MPHOSPH9: variants seen among roughly 807,000 people sequenced by gnomAD.
MPHOSPH9 encodes M-phase phosphoprotein 9.
A neutral mutation model predicts 145.5 loss-of-function variants in MPHOSPH9; 88 were observed. That is an observed-to-expected ratio of 0.60 (90% CI 0.51 to 0.72). The LOEUF is 0.72. MPHOSPH9 is among the 30% of genes least tolerant of loss of function. The pLI is 0.00. For missense variants in MPHOSPH9, 1,238 were observed against 1,386.6 expected (o/e 0.89, Z 1.70); for synonymous variants, 435 against 486.2 (o/e 0.89, Z 1.39).
chr12:123,191,862 T>C (rs1239726510), intron 13 of MPHOSPH9, among the ~76,000 whole-genome samples: 4 of 152,012 alleles, frequency 2.6e-5, no homozygotes, highest in African/African-American at 9.7e-5. Context: ...ATCCACTGAG[T>C]AAAATAAGAA....
At position 123,230,253 on chromosome 12, in the gene MPHOSPH9, AT is replaced by A; in HGVS notation, c.104+7del. On this transcript the variant is annotated splice_region_variant and intron_variant, in intron 2 of 23. Coordinates refer to ENST00000606320, the MANE Select transcript of MPHOSPH9 (RefSeq NM_022782.4). Reference sequence around the variant, plus strand: ...ATTTGGTACATTTTTTTTAAATCCCATTCTTACCTATCAGTATTTAAGTTCA... The same window carrying A: ...ATTTGGTACATTTTTTTTAAATCCCATCTTACCTATCAGTATTTAAGTTCA... 1 of 1,422,042 alleles carries A rather than the reference AT, an allele frequency of 7.0e-7. No individual in the cohort carries two copies. Among genetic ancestry groups the A allele is most frequent in the Non-Finnish European group, 9.5e-7 (1 of 1,050,530 alleles). The allele number at this position is 1,422,042 out of a possible 1,614,324, so 88.1% of individuals were successfully genotyped here.
At chr12:123,185,129 A>G (rs2045384500) in intron 13 of MPHOSPH9, among the ~76,000 whole-genome samples, 2 of 152,096 alleles carry the variant, frequency 1.3e-5, no homozygotes, top group Non-Finnish European at 2.9e-5. Flanking sequence ...GTGAGCCTGC[A>G]AAAGAACCAA....
chr12:123,176,841 T>A, intron 15 of MPHOSPH9, 52 bp from the exon 16 acceptor site: 1 of 1,372,562 alleles, frequency 7.3e-7, no homozygotes, highest in Non-Finnish European at 1.0e-6. Context: ...AAATGTAAAA[T>A]ATAGCTCAAC....
In MPHOSPH9 at chr12:123,228,684, CA is replaced by C. The variant is rs905738597; in HGVS notation, c.105-1069del. 2.9e-4 allele frequency among the ~76,000 whole-genome samples: 42 copies of C among 142,516 alleles called. 1 individual carries two copies. Among genetic ancestry groups the C allele is most frequent in the African/African-American group, 8.8e-4 (34 of 38,762 alleles). The allele number at this position is 142,516 out of a possible 152,430, so 93.5% of individuals were successfully genotyped here. On this transcript the variant is annotated intron_variant, in intron 2 of 23. Transcript: ENST00000606320. ...GCCTAGTGACAGAGCAAGACTCCGT[CA>C]AAAAAAAAAATTCAAAGGAAAGAAT... is the stretch of plus-strand genomic sequence containing the variant.
At chr12:123,238,788 T>C (rs1016883377) in intron 1 of MPHOSPH9, among the ~76,000 whole-genome samples, 2 of 152,130 alleles carry the variant, frequency 1.3e-5, no homozygotes, top group East Asian at 3.8e-4. Flanking sequence ...GAAATCTTCA[T>C]TCCTAACCAT....
chr12:123,212,324 A>G (rs1451591963), intron 7 of MPHOSPH9, among the ~76,000 whole-genome samples: 1 of 152,136 alleles, frequency 6.6e-6, no homozygotes, highest in African/African-American at 2.4e-5. Flanking sequence ...AAGTATGGAA[A>G]ACAGCCAATG....
intron 18 of MPHOSPH9, among the ~76,000 whole-genome samples, chr12:123,164,432 G>A (rs139555627): frequency 6.6e-6 from 1 of 152,298 alleles, no homozygotes; most frequent in East Asian, 1.9e-4. Context: ...CTTGGGAGAT[G>A]TAACCGCAAA....
chr12:123,210,480 G>A (rs757748888), intron 7 of MPHOSPH9, among the ~76,000 whole-genome samples: 13 of 151,942 alleles, frequency 8.6e-5, no homozygotes, highest in Non-Finnish European at 1.5e-4. Context: ...ATTACCTAAC[G>A]TCAGGAGTTT....
chr12:123,202,649 A>G lies in MPHOSPH9; in HGVS notation c.1756T>C (p.Leu586=). 6.2e-7 allele frequency: 1 copy of G among 1,614,084 alleles called. No homozygotes were observed. The highest frequency in any genetic ancestry group is 8.5e-7 in the Non-Finnish European group (1 of 1,179,954). Residue 586 remains leucine (L), a synonymous_variant, in exon 10 of 24, where the codon TTG becomes CTG. Transcript: ENST00000606320. ...SVPECISLTS[L]EDPVILSKIR... ...TTAGACAATATCACAGGATCTTCCAAGGAAGTCAATGAAATGCATTCTGGG... is the reference window on the plus strand; with the variant it reads ...TTAGACAATATCACAGGATCTTCCAGGGAAGTCAATGAAATGCATTCTGGG...
upstream of MPHOSPH9, among the ~76,000 whole-genome samples, chr12:123,235,629 C>T (rs1335375570): frequency 1.3e-5 from 2 of 151,478 alleles, no homozygotes; most frequent in Non-Finnish European, 2.9e-5. Flanking sequence ...GCCTCGGCCT[C>T]CCACGGTGCT....
At chr12:123,161,766 C>A (rs1239937947) in intron 21 of MPHOSPH9, among the ~76,000 whole-genome samples, 1 of 151,272 alleles carries the variant, frequency 6.6e-6, no homozygotes, top group Non-Finnish European at 1.5e-5. Flanking sequence ...CAAGTGATTT[C>A]ACATACATTG....
intron 8 of MPHOSPH9, among the ~76,000 whole-genome samples, chr12:123,207,278 C>T (rs2046476765): frequency 6.6e-6 from 1 of 151,722 alleles, no homozygotes; most frequent in Non-Finnish European, 1.5e-5. Flanking sequence ...TACTGATGTT[C>T]AAGATCAGAT....
chr12:123,162,996 C>G lies in MPHOSPH9; in HGVS notation c.3029+18G>C, dbSNP rs774836810. 2 of 1,530,248 alleles carry G rather than the reference C, an allele frequency of 1.3e-6. No individual in the cohort carries two copies. The highest frequency in any genetic ancestry group is 2.9e-5 in the African/African-American group (2 of 69,840). The allele number at this position is 1,530,248 out of a possible 1,614,324, so 94.8% of individuals were successfully genotyped here. ...CACTAATATAGTAAACTTTATTCTA[C>G]AATTTTAGAGAACTTACCGAATTGG... On this transcript the variant is annotated intron_variant, in intron 20 of 23. Transcript: ENST00000606320.
At chr12:123,224,684 G>A (rs942519168) in intron 3 of MPHOSPH9, among the ~76,000 whole-genome samples, 4 of 152,160 alleles carry the variant, frequency 2.6e-5, no homozygotes, top group African/African-American at 7.2e-5. Context: ...CCAGGCATGC[G>A]GATCATAGGG....
chr12:123,204,788 T>C (rs2046358342), intron 8 of MPHOSPH9, among the ~76,000 whole-genome samples: 1 of 152,088 alleles, frequency 6.6e-6, no homozygotes, highest in South Asian at 2.1e-4. Context: ...AGTGGGACGA[T>C]CACTTGAACC....
Position 123,230,171 on chromosome 12 carries a change from A to G in MPHOSPH9, c.104+90T>C. On this transcript the variant is annotated intron_variant, in intron 2 of 23. Coordinates refer to ENST00000606320, the MANE Select transcript of MPHOSPH9 (RefSeq NM_022782.4). Reference sequence around the variant, plus strand: ...TTAAAAAATAATAATAATTCAAATCAGTAACTATGACACTATTTGGATAAG... The same window carrying G: ...TTAAAAAATAATAATAATTCAAATCGGTAACTATGACACTATTTGGATAAG... The G allele has an allele frequency of 2.3e-5, 16 of 708,356 alleles. No homozygotes were observed. In the South Asian group the frequency reaches 3.0e-4, roughly 13 times the overall value. The allele number at this position is 708,356 out of a possible 1,614,324, so 43.9% of individuals were successfully genotyped here.
rs1485351564 is a variant in MPHOSPH9 at position 123,202,920 on chromosome 12, T to C, written c.1485A>G (p.Gln495=). The change falls in exon 10 of 24, where the codon CAA becomes CAG. Residue 495 remains glutamine (Q), a synonymous_variant. Coordinates refer to ENST00000606320, the MANE Select transcript of MPHOSPH9 (RefSeq NM_022782.4). ...SSPSDIDSFS[Q]ASNVTSQLPG... Reference sequence around the variant, plus strand: ...GTAACTGAGAAGTGACATTACTTGCTTGTGAAAATGAGTCTATGTCAGAGG... The same window carrying C: ...GTAACTGAGAAGTGACATTACTTGCCTGTGAAAATGAGTCTATGTCAGAGG... 1 of 1,614,058 alleles carries C rather than the reference T, an allele frequency of 6.2e-7. No individual in the cohort carries two copies. The highest frequency in any genetic ancestry group is 1.7e-5 in the Admixed American group (1 of 59,984).
chr12:123,210,153 T>G lies in MPHOSPH9; in HGVS notation c.1097A>C (p.Tyr366Ser), dbSNP rs780952175. Residue 366 changes from tyrosine (Y) to serine (S), a missense_variant, in exon 8 of 24, where the codon TAC becomes TCC. Tyr to Ser is a moderately radical substitution (Grantham distance 144). Around this residue, in one of 3 missense-constraint regions of MPHOSPH9, gnomAD observed 837 missense variants for 897.5 expected, o/e 0.93. Coordinates refer to ENST00000606320, the MANE Select transcript of MPHOSPH9 (RefSeq NM_022782.4). ...CATATCCTTTTCCTCTAGTTTCCAG[T>G]AAGTCAATCCTGATGTGCACAAACA... The part of the protein sequence containing the change: ...WMSDSGTGLT[Y>S]WKLEEKDMHH... The G allele has an allele frequency of 5.6e-6, 9 of 1,599,340 alleles. No individual in the cohort carries two copies. The East Asian group carries it at 2.0e-4, about 36-fold the overall frequency.
chr12:123,203,444 C>T, intron 8 of MPHOSPH9, 69 bp from the exon 9 acceptor site: 1 of 1,371,516 alleles, frequency 7.3e-7, no homozygotes, highest in Non-Finnish European at 9.9e-7. Context: ...TCAAAATAAG[C>T]ACCATAAAAA....
Sources: gnomAD v4.1 joint callset for allele counts (sites outside exome capture counted in the v4.1 genomes callset) on GRCh38, gnomAD v4.1.1 for gene constraint, gnomAD v4.1.1 regional missense constraint, MANE v1.5 for transcripts, NCBI Gene and HGNC (gene_info 2026-07-23, HGNC 2026-07-21) for gene names.